Variants in TEX11 observed in about 807,000 individuals in gnomAD.
The protein encoded by TEX11 is testis-expressed protein 11.
Under a neutral mutation model 84.4 loss-of-function variants are expected in TEX11, and 7 were observed. The observed-to-expected ratio is 0.08, with a 90% CI of 0.05 to 0.16. The LOEUF is 0.16. Among genes scored for constraint, TEX11 ranks in the 10% least tolerant of loss-of-function variants. The pLI, the probability that TEX11 is intolerant of heterozygous loss-of-function variation, is 1.00. For missense variants in TEX11, 551 were observed against 660.5 expected (o/e 0.83, Z 1.82); for synonymous variants, 264 against 222.8 (o/e 1.18, Z -1.64).
At chrX:70,858,911 G>A (rs774739115) in intron 5 of TEX11, among the ~76,000 whole-genome samples, 51 of 110,220 alleles carry the variant, frequency 4.6e-4, no homozygotes, top group African/African-American at 1.6e-3. Context: ...GGTGGTGGGC[G>A]CCTGTAATTC....
the TEX11 span, among the ~76,000 whole-genome samples, chrX:70,511,645 C>T: frequency 3.0e-5 from 3 of 100,144 alleles, no homozygotes; most frequent in East Asian, 3.2e-4. Context: ...CCCAGCTACT[C>T]GGGAGGCTGA....
At chrX:70,674,801 T>C (rs1473296673) in intron 15 of TEX11, among the ~76,000 whole-genome samples, 1 of 111,689 alleles carries the variant, frequency 9.0e-6, no homozygotes, top group Non-Finnish European at 1.9e-5. Flanking sequence ...TCACTTAATG[T>C]GATTTTTTTT....
rs1241932435 is a variant in TEX11 at position 70,740,803 on chromosome X, G to T, written c.748-7C>A. The T allele has an allele frequency of 1.1e-6, 1 of 883,340 alleles. No homozygotes were observed. The highest frequency in any genetic ancestry group is 1.5e-6 in the Non-Finnish European group (1 of 663,527). 72.8% of individuals were successfully genotyped at this position (883,340 alleles called of 1,213,427 possible). A position where few individuals can be genotyped will look rare whatever the true frequency, so the allele number is the denominator to read the frequency against. ...ATAGCCGTAGAACTTTAGCCTGTAA[G>T]AAAAAAAAAAAGAAAAAAAGCACAT... On this transcript the variant is annotated splice_polypyrimidine_tract_variant and splice_region_variant and intron_variant, in intron 10 of 29. Coordinates refer to ENST00000374333, the MANE Select transcript of TEX11 (RefSeq NM_031276.3).
chrX:70,786,857 C>T (rs1006227511), intron 9 of TEX11, among the ~76,000 whole-genome samples: 1 of 111,785 alleles, frequency 8.9e-6, no homozygotes, highest in Non-Finnish European at 1.9e-5. Flanking sequence ...CTGACTGTCC[C>T]GGTGTGGTGA....
intron 28 of TEX11, among the ~76,000 whole-genome samples, chrX:70,544,290 GATTACTTGAGCAA>G (rs1423913173): frequency 8.9e-6 from 1 of 111,925 alleles, no homozygotes; most frequent in African/African-American, 3.3e-5. Flanking sequence ...AAGGTGGGCA[GATTACTTGAGCAA>G]ATTACTTGAA....
chrX:70,761,500 T>A (rs2090908986), intron 9 of TEX11, among the ~76,000 whole-genome samples: 1 of 111,640 alleles, frequency 9.0e-6, no homozygotes, highest in Admixed American at 9.6e-5. Context: ...CTCAGCAAAC[T>A]ATCACAAGGA....
rs188040174 is a variant in TEX11 at position 70,800,888 on chromosome X, T to C, written c.692+5817A>G. 1.9e-3 allele frequency among the ~76,000 whole-genome samples: 216 copies of C among 110,891 alleles called. 1 individual carries two copies. The highest frequency in any genetic ancestry group is 3.4e-3 in the Non-Finnish European group (182 of 52,976). On this transcript the variant is annotated intron_variant, in intron 9 of 29. Transcript: ENST00000374333. ...AATTAGAAAACTATGAAATATTACT[T>C]ATGTAAATGTCAACCATCTTACTTC...
intron 7 of TEX11, among the ~76,000 whole-genome samples, chrX:70,840,985 C>A (rs754328760): frequency 9.0e-6 from 1 of 110,555 alleles, no homozygotes; most frequent in South Asian, 3.9e-4. Context: ...TAAAGCAAGT[C>A]CTGAGTGACC....
At chrX:70,806,627 A>G (rs1350697024) in intron 9 of TEX11, 78 bp downstream of exon 9, 4 of 693,973 alleles carry the variant, frequency 5.8e-6, no homozygotes, top group South Asian at 2.5e-5. Context: ...TTAAACTGCC[A>G]AAGTACTCTA....
At chrX:70,581,892 A>G (rs901441679) in intron 25 of TEX11, among the ~76,000 whole-genome samples, 17 of 111,844 alleles carry the variant, frequency 1.5e-4, no homozygotes, top group African/African-American at 5.5e-4. Context: ...CTTCTGTTTT[A>G]AAGGGAAAAG....
chrX:70,624,074 C>T (rs2089425000), intron 19 of TEX11, 68 bp from the exon 20 acceptor site: 6 of 874,046 alleles, frequency 6.9e-6, no homozygotes, highest in South Asian at 2.8e-5. Flanking sequence ...TGAATACATA[C>T]CAAGTTACTA....
chrX:70,606,431 G>A (rs778228562), intron 23 of TEX11, among the ~76,000 whole-genome samples: 168 of 111,811 alleles, frequency 1.5e-3, no homozygotes, highest in African/African-American at 5.2e-3. Flanking sequence ...GGAGGCCAAC[G>A]ACTATTTAAA....
intron 13 of TEX11, among the ~76,000 whole-genome samples, chrX:70,709,617 T>G (rs1024345984): frequency 9.0e-6 from 1 of 111,696 alleles, no homozygotes; most frequent in African/African-American, 3.2e-5. Context: ...GGAAAAATAA[T>G]ACCATATCAA....
chrX:70,738,464 G>T (rs1237600881), intron 11 of TEX11, among the ~76,000 whole-genome samples: 1 of 112,143 alleles, frequency 8.9e-6, no homozygotes, highest in Non-Finnish European at 1.9e-5. Context: ...TGCTGGTAAG[G>T]TTGTGGAGAA....
chrX:70,802,781 T>C (rs766265401), intron 9 of TEX11, among the ~76,000 whole-genome samples: 1 of 112,211 alleles, frequency 8.9e-6, no homozygotes, highest in Non-Finnish European at 1.9e-5. Flanking sequence ...GAAGTCTTTC[T>C]GGTTAATAAA....
chrX:70,884,205 G>A (rs1307415239), intron 2 of TEX11, among the ~76,000 whole-genome samples: 3 of 112,540 alleles, frequency 2.7e-5, no homozygotes, highest in Non-Finnish European at 5.6e-5. Context: ...ACAAAATGAA[G>A]TGACTTTTTA....
intron 11 of TEX11, among the ~76,000 whole-genome samples, chrX:70,738,753 G>A (rs2090714092): frequency 8.9e-6 from 1 of 111,931 alleles, no homozygotes; most frequent in Non-Finnish European, 1.9e-5. Context: ...TATACAGCAT[G>A]GAATACTATG....
chrX:70,618,899 T>C (rs1188639533), intron 20 of TEX11, among the ~76,000 whole-genome samples: 1 of 110,957 alleles, frequency 9.0e-6, no homozygotes, highest in Non-Finnish European at 1.9e-5. Context: ...TTGTCTAAAA[T>C]GGGGGCAGAC....
rs760982290 is a variant in TEX11 at position 70,841,858 on chromosome X, C to A, written c.526-8265G>T. Among the ~76,000 whole-genome samples the A allele has an allele frequency of 9.9e-5, 11 of 111,407 alleles. No homozygotes were observed. The East Asian group carries it at 2.8e-3, about 28-fold the overall frequency. ...TCAGAGAATACTACAAACACCTCTA[C>A]GCAAATAAACTAGAAAATCTAGAAG... On this transcript the variant is annotated intron_variant, in intron 7 of 29. Transcript: ENST00000374333.
Sources: allele counts gnomAD v4.1 joint callset (sites outside exome capture counted in the v4.1 genomes callset), GRCh38; gene constraint gnomAD v4.1.1; transcripts MANE v1.5; gene names NCBI Gene and HGNC (gene_info 2026-07-23, HGNC 2026-07-21).